The following TRIP12 variants were observed in gnomAD, a reference collection of about 807,000 sequenced individuals.
TRIP12 encodes the protein thyroid hormone receptor interactor 12.
TRIP12 carries 25 observed loss-of-function variants against 244.2 expected under a neutral mutation model. The observed-to-expected ratio is 0.10, with a 90% confidence interval of 0.07 to 0.14. The LOEUF (loss-of-function observed/expected upper bound fraction) is 0.14, where lower values mean the gene tolerates loss of function less well. TRIP12 is among the 10% of genes least tolerant of loss of function. The pLI, the probability that TRIP12 is intolerant of heterozygous loss-of-function variation, is 1.00. For missense variants in TRIP12, 1,677 were observed against 2,486.4 expected, an observed-to-expected ratio of 0.67 and a Z score of 6.92; for synonymous variants, 905 against 873.1, an observed-to-expected ratio of 1.04 and a Z score of -0.64.
chr2:229,837,024 G>T (rs567657997), intron 5 of TRIP12, 40 bp from the exon 6 acceptor site: 3 of 1,476,400 alleles, frequency 2.0e-6, no homozygotes, highest in South Asian at 2.8e-5. Flanking sequence ...CATTACCAGT[G>T]AACCAGGAGC....
At chr2:229,821,301 G>C (rs2049990689) in intron 8 of TRIP12, among the ~76,000 whole-genome samples, 1 of 152,054 alleles carries the variant, frequency 6.6e-6, no homozygotes, top group South Asian at 2.1e-4. Flanking sequence ...GAAAAATCTT[G>C]GTAACTATTA....
intron 8 of TRIP12, among the ~76,000 whole-genome samples, chr2:229,827,104 C>A (rs769408695): frequency 2.2e-4 from 34 of 152,090 alleles, no homozygotes; most frequent in Non-Finnish European, 4.0e-4. Context: ...CACAGTGAAA[C>A]CCTGTCTCTA....
At chr2:229,907,859 T>C (rs2073256337) in intron 1 of TRIP12, among the ~76,000 whole-genome samples, 1 of 152,102 alleles carries the variant, frequency 6.6e-6, no homozygotes, top group Non-Finnish European at 1.5e-5. Context: ...ACTTATCCTA[T>C]ACCAGGCATT....
At chr2:229,900,194 A>C (rs2070273021) in intron 1 of TRIP12, among the ~76,000 whole-genome samples, 1 of 152,226 alleles carries the variant, frequency 6.6e-6, no homozygotes, top group Non-Finnish European at 1.5e-5. Flanking sequence ...GAACTTCTAC[A>C]ACCTAGGAAT....
intron 21 of TRIP12, among the ~76,000 whole-genome samples, chr2:229,801,128 C>A (rs2044220905): frequency 6.6e-6 from 1 of 152,046 alleles, no homozygotes; most frequent in South Asian, 2.1e-4. Context: ...GAGAGCAAGG[C>A]TGGAAAGGAA....
At chr2:229,842,422 T>G (rs1184161543) in intron 4 of TRIP12, among the ~76,000 whole-genome samples, 1 of 152,216 alleles carries the variant, frequency 6.6e-6, no homozygotes, top group Non-Finnish European at 1.5e-5. Context: ...TCACATTTAA[T>G]ATTTTAAAAA....
chr2:229,859,673 TAAGTCCAGTA>T, intron 3 of TRIP12, 99 bp from the exon 4 acceptor site: 2 of 1,308,472 alleles, frequency 1.5e-6, no homozygotes, highest in Non-Finnish European at 2.1e-6. Context: ...ATGTTCCTAC[TAAGTCCAGTA>T]TTAAACATAG....
intron 1 of TRIP12, among the ~76,000 whole-genome samples, chr2:229,899,989 T>C (rs2070172651): frequency 6.6e-6 from 1 of 152,196 alleles, no homozygotes; most frequent in South Asian, 2.1e-4. Flanking sequence ...AGTTGTTACA[T>C]ACAAAAAGAA....
Position 229,788,953 on chromosome 2 carries a change from TA to T in TRIP12, c.4696-14del, listed in dbSNP as rs377250685. 0.061 allele frequency: 61,903 copies of T among 1,012,162 alleles called. 42 individuals carry two copies. The highest frequency in any genetic ancestry group is 0.098 in the South Asian group (4,933 of 50,258). The allele number at this position is 1,012,162 out of a possible 1,614,324, so 62.7% of individuals were successfully genotyped here. Reference sequence around the variant, plus strand: ...TGCACATTGCATTCTGTAAAATGTTTAAAAAAAAAAAAGTCTACATGTAGTA... The same window carrying T: ...TGCACATTGCATTCTGTAAAATGTTTAAAAAAAAAAAGTCTACATGTAGTA... On this transcript the variant is annotated splice_polypyrimidine_tract_variant and intron_variant, in intron 31 of 41. Transcript: ENST00000675903.
chr2:229,895,696 C>G (rs2068617009), intron 1 of TRIP12, among the ~76,000 whole-genome samples: 1 of 151,326 alleles, frequency 6.6e-6, no homozygotes, highest in Non-Finnish European at 1.5e-5. Flanking sequence ...ATAAAAATTC[C>G]AGAAGTAGAA....
Position 229,797,718 on chromosome 2 carries a change from C to T in TRIP12, c.3596G>A (p.Cys1199Tyr). 1 of 1,613,660 alleles carries T rather than the reference C, an allele frequency of 6.2e-7. No individual in the cohort carries two copies. The highest frequency in any genetic ancestry group is 8.5e-7 in the Non-Finnish European group (1 of 1,179,774). The part of the protein sequence containing the change: ...NPALNVLQRL[C>Y]AATEQLNLQV... The stretch of plus-strand genomic sequence containing the variant: ...GAGGTTGAGTTGTTCGGTTGCAGCA[C>T]AAAGTCTCTGAAGGACATTCAATGC... The change falls in exon 24 of 42, where the codon TGT becomes TAT. Residue 1199 changes from cysteine (C) to tyrosine (Y), a missense_variant. This residue lies in a region of TRIP12 where 572 missense variants were observed against 867.8 expected (regional missense o/e 0.66). Transcript: ENST00000675903.
chr2:229,914,193 A>T (rs910989223), intron 1 of TRIP12, among the ~76,000 whole-genome samples: 1 of 152,190 alleles, frequency 6.6e-6, no homozygotes, highest in Admixed American at 6.5e-5. Context: ...CGGCAAAGCA[A>T]AACTCTGCCT....
At chr2:229,809,820 T>C (rs1399864875) in intron 15 of TRIP12, among the ~76,000 whole-genome samples, 1 of 152,208 alleles carries the variant, frequency 6.6e-6, no homozygotes, top group Non-Finnish European at 1.5e-5. Context: ...TCTGTGCCAA[T>C]GTGTTAATTC....
chr2:229,829,227 T>C lies in TRIP12; in HGVS notation c.1416A>G (p.Ser472=). The C allele has an allele frequency of 6.2e-7, 1 of 1,613,968 alleles. No individual in the cohort carries two copies. The highest frequency in any genetic ancestry group is 1.1e-5 in the South Asian group (1 of 91,018). The change falls in exon 8 of 42, where the codon TCA becomes TCG. Residue 472 remains serine, a synonymous_variant. Transcript: ENST00000675903. ...TTCCAATTGTTCTATGGAAAAGCTGTGACATCCGAGGACCAAGAGGACCAA... is the reference window on the plus strand; with the variant it reads ...TTCCAATTGTTCTATGGAAAAGCTGCGACATCCGAGGACCAAGAGGACCAA... ...HLFGPLGPRM[S]QLFHRTIGSG... is the part of the protein sequence containing the mutation.
intron 33 of TRIP12, among the ~76,000 whole-genome samples, chr2:229,786,195 C>T (rs1302024368): frequency 2.0e-5 from 3 of 152,038 alleles, no homozygotes; most frequent in African/African-American, 4.8e-5. Context: ...TCCCTGGGTA[C>T]ATTTATATTT....
intron 1 of TRIP12, among the ~76,000 whole-genome samples, chr2:229,891,599 G>A (rs1008975916): frequency 7.2e-5 from 11 of 151,986 alleles, no homozygotes; most frequent in East Asian, 1.9e-4. Context: ...GAGACCCTGC[G>A]TCAAAACAAA....
intron 27 of TRIP12, 71 bp from the exon 28 acceptor site, chr2:229,792,297 AC>A (rs2041739215): frequency 7.3e-7 from 1 of 1,361,572 alleles, no homozygotes; most frequent in Admixed American, 1.9e-5. Context: ...CTGTATACAC[AC>A]TGGTTAAACA....
Position 229,836,976 on chromosome 2 carries a change from C to A in TRIP12, c.1142G>T (p.Gly381Val), listed in dbSNP as rs570013910. ...TGSCASTSRR[G>V]SGLGKRGAAE... is the part of the protein sequence containing the mutation. ...TGCTCCTCTTTTGCCCAGGCCAGAG[C>A]CTCGCCGACTACAACAGAAAAATGT... The change falls in exon 6 of 42, where the codon GGC (glycine) becomes GTC (valine). Residue 381 changes from glycine (G) to valine (V), a missense_variant. This residue lies in a region of TRIP12 where 143 missense variants were observed against 215.6 expected (regional missense o/e 0.66). Coordinates refer to ENST00000675903, the MANE Select transcript of TRIP12 (RefSeq NM_001348323.3). 1 of 1,557,480 alleles carries A rather than the reference C, an allele frequency of 6.4e-7. No individual in the cohort carries two copies. The highest frequency in any genetic ancestry group is 8.6e-7 in the Non-Finnish European group (1 of 1,157,326).
At chr2:229,855,624 AG>A (rs67277934) in intron 4 of TRIP12, among the ~76,000 whole-genome samples, 30,264 of 91,410 alleles carry the variant, frequency 0.33, 3,572 homozygotes, top group Middle Eastern at 0.46. Flanking sequence ...AAAAAAAAAA[AG>A]AGAAAAGAAA....
Sources: gnomAD v4.1 joint callset for allele counts (sites outside exome capture counted in the v4.1 genomes callset) on GRCh38, gnomAD v4.1.1 for gene constraint, gnomAD v4.1.1 regional missense constraint, MANE v1.5 for transcripts, NCBI Gene and HGNC (gene_info 2026-07-23, HGNC 2026-07-21) for gene names.